MYO1B: variants seen among roughly 807,000 people sequenced by gnomAD.
The protein encoded by MYO1B is unconventional myosin-Ib.
A neutral mutation model predicts 159.7 loss-of-function variants in MYO1B; 72 were observed. That is an observed-to-expected ratio of 0.45 (90% CI 0.37 to 0.55). The LOEUF (loss-of-function observed/expected upper bound fraction) is 0.55. Ranked by LOEUF, MYO1B falls within the 20% of genes least tolerant of loss-of-function variation. MYO1B has a pLI of 0.00. For missense variants in MYO1B, 1,062 were observed against 1,364.8 expected (o/e 0.78, Z 3.50); for synonymous variants, 468 against 473.8 (o/e 0.99, Z 0.16).
At chr2:191,346,146 A>G (rs1692550197) in intron 5 of MYO1B, 90 bp from the exon 6 acceptor site, 1 of 993,676 alleles carries the variant, frequency 1.0e-6, no homozygotes, top group Non-Finnish European at 1.5e-6. Flanking sequence ...TTTTCCAGAA[A>G]TCATAGATTT....
At position 191,356,340 on chromosome 2, in the gene MYO1B, T is replaced by C. The variant is rs573888565; in HGVS notation, c.563-4291T>C. Among the ~76,000 whole-genome samples the C allele has an allele frequency of 3.7e-3, 548 of 149,152 alleles. 2 individuals are homozygous for C. Among genetic ancestry groups the C allele is most frequent in the Non-Finnish European group, 4.6e-3 (310 of 67,194 alleles). ...TAATACATACAAGGCTGGGCTTCTT[T>C]TTTTTTTTTTTTTTTTTGAGTTTTG... On this transcript the variant is annotated intron_variant, in intron 7 of 30. Transcript: ENST00000392318.
At chr2:191,354,555 G>T (rs1206117207) in intron 7 of MYO1B, among the ~76,000 whole-genome samples, 1 of 152,008 alleles carries the variant, frequency 6.6e-6, no homozygotes, top group African/African-American at 2.4e-5. Flanking sequence ...TGCTAATTAT[G>T]AATGGAGGCA....
intron 1 of MYO1B, among the ~76,000 whole-genome samples, chr2:191,246,904 T>G (rs1685823953): frequency 6.6e-6 from 1 of 152,192 alleles, no homozygotes; most frequent in Non-Finnish European, 1.5e-5. Context: ...CATTGAAGTG[T>G]TCTGTGCTTT....
At chr2:191,272,528 A>C (rs1309788117) in intron 1 of MYO1B, among the ~76,000 whole-genome samples, 1 of 152,190 alleles carries the variant, frequency 6.6e-6, no homozygotes, top group Non-Finnish European at 1.5e-5. Flanking sequence ...TTTCTTTCTC[A>C]GGCCACAGAG....
At chr2:191,378,710 G>T (rs1001369482) in intron 13 of MYO1B, among the ~76,000 whole-genome samples, 4 of 152,108 alleles carry the variant, frequency 2.6e-5, no homozygotes, top group Admixed American at 6.6e-5. Flanking sequence ...GTGGTAAAGC[G>T]TTGGGACGGC....
intron 7 of MYO1B, among the ~76,000 whole-genome samples, chr2:191,358,706 C>T (rs549052761): frequency 2.3e-4 from 35 of 152,290 alleles, no homozygotes; most frequent in Non-Finnish European, 4.3e-4. Flanking sequence ...GCCAAACAAT[C>T]GCTTGTCATC....
chr2:191,417,528 C>G (rs968593091), intron 30 of MYO1B, among the ~76,000 whole-genome samples: 1 of 152,052 alleles, frequency 6.6e-6, no homozygotes, highest in Admixed American at 6.6e-5. Flanking sequence ...TCGTATGTAT[C>G]CCAGACAGCA....
In MYO1B at chr2:191,369,581, A is replaced by G. The variant is rs769399879; in HGVS notation, c.1072A>G (p.Ser358Gly). The G allele has an allele frequency of 6.2e-7, 1 of 1,613,656 alleles. No individual in the cohort carries two copies. Among genetic ancestry groups the G allele is most frequent in the East Asian group, 2.2e-5 (1 of 44,836 alleles). Residue 358 changes from serine to glycine, a missense_variant, in exon 12 of 31, where the codon AGC becomes GGC. Ser to Gly is a moderately conservative substitution (Grantham distance 56). Transcript: ENST00000392318. ...TGATGCTCTGGCTAAAAACCTCTACAGCAGGTTGTTTTCATGGTTGGTAAA... is the reference window on the plus strand; with the variant it reads ...TGATGCTCTGGCTAAAAACCTCTACGGCAGGTTGTTTTCATGGTTGGTAAA... ...ARDALAKNLY[S>G]RLFSWLVNRI...
intron 4 of MYO1B, among the ~76,000 whole-genome samples, chr2:191,331,509 A>G (rs112408030): frequency 0.022 from 3,416 of 152,210 alleles, 116 homozygotes; most frequent in African/African-American, 0.076. Context: ...CTTCTCCTCT[A>G]CAGGACAATC....
intron 4 of MYO1B, among the ~76,000 whole-genome samples, chr2:191,336,233 A>G (rs920584502): frequency 2.0e-5 from 3 of 152,248 alleles, no homozygotes; most frequent in Non-Finnish European, 4.4e-5. Context: ...TAGAAGAGTT[A>G]TGAAGCCTGC....
At chr2:191,275,973 AC>A (rs1188055805) in intron 1 of MYO1B, among the ~76,000 whole-genome samples, 3 of 152,220 alleles carry the variant, frequency 2.0e-5, no homozygotes, top group African/African-American at 7.2e-5. Context: ...GTTGGGTGGC[AC>A]CATGCACATT....
At chr2:191,400,727 C>T in intron 22 of MYO1B, 22 bp from the exon 23 acceptor site, 1 of 1,612,190 alleles carries the variant, frequency 6.2e-7, no homozygotes, top group Non-Finnish European at 8.5e-7. Context: ...TTTTCTGTAA[C>T]TCCTTTTCAA....
intron 3 of MYO1B, among the ~76,000 whole-genome samples, chr2:191,327,793 A>C (rs1465088384): frequency 8.5e-5 from 13 of 152,210 alleles, no homozygotes. Context: ...GCTGTTATTC[A>C]AAAAAGACCC....
chr2:191,330,114 C>T, intron 4 of MYO1B, 85 bp downstream of exon 4: 1 of 1,155,050 alleles, frequency 8.7e-7, no homozygotes, highest in East Asian at 2.5e-5. Flanking sequence ...GCCTCCTTAG[C>T]AAGATCTGTC....
At chr2:191,277,264 TG>T (rs1302672053) in intron 2 of MYO1B, among the ~76,000 whole-genome samples, 1 of 152,188 alleles carries the variant, frequency 6.6e-6, no homozygotes, top group Non-Finnish European at 1.5e-5. Flanking sequence ...TAGTGGGTGT[TG>T]GGGGCATTCT....
At chr2:191,247,427 T>C (rs184792282) in intron 1 of MYO1B, among the ~76,000 whole-genome samples, 88 of 152,316 alleles carry the variant, frequency 5.8e-4, no homozygotes, top group Admixed American at 2.1e-3. Flanking sequence ...AAAAGAGCTG[T>C]ATAAGCTACT....
intron 2 of MYO1B, among the ~76,000 whole-genome samples, chr2:191,283,333 T>TG (rs5837227): frequency 0.96 from 146,901 of 152,290 alleles, 71,058 homozygotes; most frequent in East Asian, 1. Flanking sequence ...AGGTTTGATT[T>TG]GAAGAAATTA....
chr2:191,267,139 CA>C (rs1687192945), intron 1 of MYO1B, among the ~76,000 whole-genome samples: 1 of 152,088 alleles, frequency 6.6e-6, no homozygotes, highest in South Asian at 2.1e-4. Flanking sequence ...CTTAGATAAC[CA>C]GAATGTTGAA....
At chr2:191,380,588 A>G (rs1694980840) in intron 13 of MYO1B, among the ~76,000 whole-genome samples, 2 of 152,356 alleles carry the variant, frequency 1.3e-5, no homozygotes, top group Middle Eastern at 6.8e-3. Flanking sequence ...CTCAGGATGT[A>G]CAGCAATACA....
Sources: allele counts gnomAD v4.1 joint callset (sites outside exome capture counted in the v4.1 genomes callset), GRCh38; gene constraint gnomAD v4.1.1; transcripts MANE v1.5; gene names NCBI Gene and HGNC (gene_info 2026-07-23, HGNC 2026-07-21).